ZNF638: variants seen among roughly 807,000 people sequenced by gnomAD.
ZNF638 encodes zinc finger protein 638.
A neutral mutation model predicts 195.6 loss-of-function variants in ZNF638; 46 were observed. The observed-to-expected ratio is 0.24, with a 90% CI of 0.19 to 0.30. The LOEUF (loss-of-function observed/expected upper bound fraction) is 0.30, where lower values mean the gene tolerates loss of function less well. Ranked by LOEUF, ZNF638 falls within the 10% of genes least tolerant of loss-of-function variation. ZNF638 has a pLI of 1.00. For missense variants in ZNF638, 2,440 were observed against 2,325.3 expected (o/e 1.05, Z -1.01); for synonymous variants, 845 against 772.0 (o/e 1.09, Z -1.57).
At chr2:71,370,679 AATT>A (rs1452986732) in intron 8 of ZNF638, among the ~76,000 whole-genome samples, 1 of 152,058 alleles carries the variant, frequency 6.6e-6, no homozygotes. Flanking sequence ...TCTTAAAAAA[AATT>A]ATTGTATTTT....
intron 3 of ZNF638, among the ~76,000 whole-genome samples, chr2:71,357,046 G>A (rs1333874768): frequency 6.6e-6 from 1 of 152,132 alleles, no homozygotes; most frequent in African/African-American, 2.4e-5. Context: ...ATTTCTAGGA[G>A]TTTTTTTGTT....
intron 25 of ZNF638, among the ~76,000 whole-genome samples, chr2:71,429,510 C>T (rs1334930368): frequency 6.6e-6 from 1 of 152,294 alleles, no homozygotes; most frequent in East Asian, 1.9e-4. Flanking sequence ...TGTCTGCCAA[C>T]TTATATTTTG....
rs753050859 is a variant in ZNF638 at position 71,427,256 on chromosome 2, A to G, written c.5387A>G (p.Gln1796Arg). The change falls in exon 24 of 28, where the codon CAA becomes CGA. Residue 1796 changes from glutamine to arginine, a missense_variant. Around this residue, in one of 5 missense-constraint regions of ZNF638, gnomAD observed 1,883 missense variants for 1,739.1 expected, o/e 1.08. Coordinates refer to ENST00000264447, the MANE Select transcript of ZNF638 (RefSeq NM_014497.5). ...AATGATTTAAAAGTTGAGTTAGCAC[A>G]AAGCAAAAATGACCATCCCACAGAT... ...GDNDLKVELA[Q>R]SKNDHPTDKK... 3 of 1,613,660 alleles carry G rather than the reference A, an allele frequency of 1.9e-6. No individual in the cohort carries two copies. The highest frequency in any genetic ancestry group is 1.1e-5 in the South Asian group (1 of 90,996).
In ZNF638 at chr2:71,380,215, T is replaced by C; in HGVS notation, c.2266-7T>C. The C allele has an allele frequency of 6.6e-7, 1 of 1,513,542 alleles. No homozygotes were observed. The highest frequency in any genetic ancestry group is 8.8e-7 in the Non-Finnish European group (1 of 1,132,480). The allele number at this position is 1,513,542 out of a possible 1,614,324, so 93.8% of individuals were successfully genotyped here. On this transcript the variant is annotated splice_polypyrimidine_tract_variant and splice_region_variant and intron_variant, in intron 8 of 27. Transcript: ENST00000264447. Reference sequence around the variant, plus strand: ...TTTCTTTTGTTCAAAATATTTTTCCTACGTAGAACAAAGAGGTGAAGAAAA... The same window carrying C: ...TTTCTTTTGTTCAAAATATTTTTCCCACGTAGAACAAAGAGGTGAAGAAAA...
intron 23 of ZNF638, among the ~76,000 whole-genome samples, chr2:71,426,148 A>G (rs189866978): frequency 2.0e-4 from 31 of 152,298 alleles, no homozygotes; most frequent in African/African-American, 6.7e-4. Context: ...CTGTCTGACA[A>G]ATACTTTAAA....
intron 3 of ZNF638, among the ~76,000 whole-genome samples, chr2:71,356,665 C>A (rs771876009): frequency 2.6e-5 from 4 of 151,792 alleles, no homozygotes; most frequent in African/African-American, 4.8e-5. Flanking sequence ...TAGTACACAT[C>A]TGTAGTTATA....
At chr2:71,382,088 T>C (rs2079544127) in intron 10 of ZNF638, among the ~76,000 whole-genome samples, 1 of 152,158 alleles carries the variant, frequency 6.6e-6, no homozygotes. Context: ...AAAAAATTTT[T>C]TAAATAATTA....
chr2:71,398,292 C>A lies in ZNF638; in HGVS notation c.2429-409C>A, dbSNP rs370288735. On this transcript the variant is annotated intron_variant, in intron 11 of 27. Coordinates refer to ENST00000264447, the MANE Select transcript of ZNF638 (RefSeq NM_014497.5). ...AAATTCATTTATGTTTCATATACAC[C>A]TTATATACATAGCCTGAAGGCAATT... Among the ~76,000 whole-genome samples the A allele has an allele frequency of 3.9e-5, 6 of 152,000 alleles. No individual in the cohort carries two copies. In the South Asian group the frequency reaches 8.3e-4, roughly 21 times the overall value.
chr2:71,359,251 C>T (rs1256946445), intron 3 of ZNF638, among the ~76,000 whole-genome samples: 1 of 152,120 alleles, frequency 6.6e-6, no homozygotes, highest in African/African-American at 2.4e-5. Flanking sequence ...TGGCTCAGTC[C>T]AAATTCAAAA....
chr2:71,332,688 C>T (rs1558821507), intron 1 of ZNF638: 1 of 152,144 alleles, frequency 6.6e-6, no homozygotes, highest in African/African-American at 2.4e-5. Flanking sequence ...GACTGGAATC[C>T]TTGAGAACGT....
intron 1 of ZNF638, among the ~76,000 whole-genome samples, chr2:71,335,540 C>CAA (rs367604811): frequency 1.3e-5 from 2 of 148,404 alleles, no homozygotes; most frequent in African/African-American, 2.5e-5. Flanking sequence ...ATATTTTTAC[C>CAA]AAAAAAAAAG....
intron 1 of ZNF638, among the ~76,000 whole-genome samples, chr2:71,347,949 C>T (rs1042680158): frequency 1.3e-5 from 2 of 152,188 alleles, no homozygotes; most frequent in African/African-American, 4.8e-5. Flanking sequence ...CTGTACATAT[C>T]TCAGGACTGT....
At chr2:71,369,322 CA>C (rs34506232) in intron 7 of ZNF638, among the ~76,000 whole-genome samples, 62,917 of 99,050 alleles carry the variant, frequency 0.64, 17,933 homozygotes, top group Middle Eastern at 0.69. Flanking sequence ...GGCTCCGTCT[CA>C]AAAAAAAAAA....
In ZNF638 at chr2:71,402,357, A is replaced by G. The variant is rs372537298; in HGVS notation, c.2829+270A>G. 7.2e-5 allele frequency among the ~76,000 whole-genome samples: 11 copies of G among 152,216 alleles called. 1 individual carries two copies. The South Asian group carries it at 1.7e-3, about 23-fold the overall frequency. ...TAATAGGAAACGTTTTATATCTTCA[A>G]TATGTTTAATAAATATATCTTTTAC... On this transcript the variant is annotated intron_variant, in intron 16 of 27. Transcript: ENST00000264447.
rs2080698963 is a variant in ZNF638, at chr2:71,433,045, C to T, written c.5753-120C>T. 6 of 788,732 alleles carry T rather than the reference C, an allele frequency of 7.6e-6. No individual in the cohort carries two copies. In the Admixed American group the frequency reaches 1.0e-4, roughly 14 times the overall value. The allele number at this position is 788,732 out of a possible 1,614,324, so 48.9% of individuals were successfully genotyped here. A position where few individuals can be genotyped will look rare whatever the true frequency, so the allele number is the denominator to read the frequency against. On this transcript the variant is annotated intron_variant, in intron 26 of 27. Transcript: ENST00000264447. ...GAGGTTGCAGTGAGCTGACATCGCGCCACTGCCCTCCAACCTGGATGACAG... is the reference window on the plus strand; with the variant it reads ...GAGGTTGCAGTGAGCTGACATCGCGTCACTGCCCTCCAACCTGGATGACAG...
intron 20 of ZNF638, 68 bp downstream of exon 20, chr2:71,408,315 G>A (rs915961083): frequency 2.5e-5 from 38 of 1,520,688 alleles, no homozygotes; most frequent in Non-Finnish European, 3.0e-5. Flanking sequence ...TCATTCTCAG[G>A]TAGTAGTCAA....
intron 20 of ZNF638, among the ~76,000 whole-genome samples, chr2:71,410,991 C>CG (rs1345720927): frequency 2.2e-5 from 1 of 45,300 alleles, no homozygotes; most frequent in African/African-American, 6.6e-5. Context: ...CCTCCCCCCC[C>CG]CTTTTTTTTT....
chr2:71,339,243 C>A (rs2078723953), intron 1 of ZNF638, among the ~76,000 whole-genome samples: 1 of 152,010 alleles, frequency 6.6e-6, no homozygotes, highest in Non-Finnish European at 1.5e-5. Flanking sequence ...CCTCCACCTC[C>A]CAGGTGCAAG....
intron 1 of ZNF638, among the ~76,000 whole-genome samples, chr2:71,339,095 C>G (rs2078719214): frequency 6.7e-6 from 1 of 150,366 alleles, no homozygotes; most frequent in South Asian, 2.1e-4. Flanking sequence ...GTATGCTCAT[C>G]TGCACTTGTA....
Sources: gnomAD v4.1 joint callset for allele counts (sites outside exome capture counted in the v4.1 genomes callset) on GRCh38, gnomAD v4.1.1 for gene constraint, gnomAD v4.1.1 regional missense constraint, MANE v1.5 for transcripts, NCBI Gene and HGNC (gene_info 2026-07-23, HGNC 2026-07-21) for gene names.